SIN3A: variants seen among roughly 807,000 people sequenced by gnomAD.
SIN3A encodes paired amphipathic helix protein Sin3a.
Under a neutral mutation model 146.1 loss-of-function variants are expected in SIN3A, and 14 were observed. That is an observed-to-expected ratio of 0.10 (90% CI 0.06 to 0.15). SIN3A has a LOEUF of 0.15. SIN3A is among the 10% of genes least tolerant of loss of function. SIN3A has a pLI of 1.00. For missense variants in SIN3A, 1,028 were observed against 1,576.0 expected (o/e 0.65, Z 5.89); for synonymous variants, 572 against 572.0 (o/e 1.00, Z 0.00).
intron 9 of SIN3A, among the ~76,000 whole-genome samples, chr15:75,405,365 TA>T (rs57252194): frequency 5.2e-3 from 642 of 122,952 alleles, no homozygotes; most frequent in East Asian, 0.015. Context: ...AGACTCTGTC[TA>T]AAAAAAAAAA....
intron 4 of SIN3A, 143 bp downstream of exon 4, chr15:75,414,062 G>A: frequency 2.5e-6 from 1 of 402,218 alleles, no homozygotes; most frequent in East Asian, 3.6e-5. Context: ...ATCAATAAAG[G>A]TATGCATAAA....
chr15:75,411,238 G>A (rs1300415463), intron 6 of SIN3A, among the ~76,000 whole-genome samples: 2 of 152,012 alleles, frequency 1.3e-5, no homozygotes, highest in African/African-American at 2.4e-5. Context: ...TAAGGCAGGA[G>A]TATCACTTGA....
In SIN3A at chr15:75,384,492, T is replaced by C. The variant is rs1025496080; in HGVS notation, c.3022-55A>G. 13 of 1,220,414 alleles carry C rather than the reference T, an allele frequency of 1.1e-5. No individual in the cohort carries two copies. The African/African-American group carries it at 1.6e-4, about 15-fold the overall frequency. 75.6% of individuals were successfully genotyped at this position (1,220,414 alleles called of 1,614,324 possible). On this transcript the variant is annotated intron_variant, in intron 16 of 20. Coordinates refer to ENST00000394947, the MANE Select transcript of SIN3A (RefSeq NM_001145358.2). ...GAACACAGAAAACATTTCTCCATTA[T>C]ACAGTCAACGTTCCTTTGATGTAGT...
rs144185274 is a variant in SIN3A at position 75,392,489 on chromosome 15, A to C, written c.2604T>G (p.Phe868Leu). 2 of 1,614,172 alleles carry C rather than the reference A, an allele frequency of 1.2e-6. No homozygotes were observed. The highest frequency in any genetic ancestry group is 1.1e-5 in the South Asian group (1 of 91,088). The change falls in exon 15 of 21, where the codon TTT (phenylalanine) becomes TTG (leucine). Residue 868 changes from phenylalanine to leucine, a missense_variant. This residue lies in a region of SIN3A where 488 missense variants were observed against 690.2 expected (regional missense o/e 0.71). Transcript: ENST00000394947. The stretch of plus-strand genomic sequence containing the variant: ...TTAATTTTTGAGCTGCTGTGTTACT[A>C]AACAGTAACTTGGACTTAGGGGGAC... ...GGSPPKSKLL[F>L]SNTAAQKLRG...
chr15:75,413,751 T>C (rs561916480), intron 4 of SIN3A, among the ~76,000 whole-genome samples: 2 of 152,260 alleles, frequency 1.3e-5, no homozygotes, highest in Non-Finnish European at 2.9e-5. Flanking sequence ...TATATGTTCA[T>C]TGTAATAATT....
chr15:75,381,553 G>T, intron 18 of SIN3A, 60 bp downstream of exon 18: 1 of 1,322,744 alleles, frequency 7.6e-7, no homozygotes, highest in South Asian at 1.2e-5. Flanking sequence ...TCACTGGACA[G>T]ACTCTCAAGG....
At chr15:75,446,684 G>T (rs185604685) in intron 1 of SIN3A, among the ~76,000 whole-genome samples, 1 of 151,888 alleles carries the variant, frequency 6.6e-6, no homozygotes, top group Admixed American at 6.6e-5. Flanking sequence ...TAGAGACAGG[G>T]TCTTGTTATG....
chr15:75,381,300 T>C (rs2072962509), intron 18 of SIN3A, among the ~76,000 whole-genome samples: 2 of 152,038 alleles, frequency 1.3e-5, no homozygotes. Flanking sequence ...ACACAAAGAA[T>C]CAAGATGACA....
At chr15:75,442,256 T>C (rs1364567512) in intron 1 of SIN3A, among the ~76,000 whole-genome samples, 1 of 151,564 alleles carries the variant, frequency 6.6e-6, no homozygotes, top group African/African-American at 2.4e-5. Context: ...CAACTAAGTT[T>C]TGGTGTACAA....
chr15:75,415,854 GAAAA>G (rs397946961), intron 3 of SIN3A: 45 of 96,222 alleles, frequency 4.7e-4, no homozygotes, highest in South Asian at 2.0e-3. Flanking sequence ...TCGGTCTCAG[GAAAA>G]AAAAAAAAAA....
At chr15:75,386,576 G>A (rs995677269) in intron 16 of SIN3A, among the ~76,000 whole-genome samples, 6 of 152,190 alleles carry the variant, frequency 3.9e-5, no homozygotes, top group African/African-American at 1.4e-4. Context: ...ACTGGGACCA[G>A]GGGTACTGGG....
Position 75,432,306 on chromosome 15 carries a change from A to C in SIN3A, c.-33-1898T>G, listed in dbSNP as rs184349996. ...TAGCTATTTCTTATATACGTTCATG[A>C]CTTTCAGTGGTTTGGTCTTGGGTTC... On this transcript the variant is annotated intron_variant, in intron 1 of 20. Transcript: ENST00000394947. 1.5e-3 allele frequency among the ~76,000 whole-genome samples: 223 copies of C among 152,262 alleles called. 1 individual carries two copies. Among genetic ancestry groups the C allele is most frequent in the African/African-American group, 5.1e-3 (214 of 41,556 alleles).
Position 75,430,366 on chromosome 15 carries a change from G to A in SIN3A, c.10C>T (p.Arg4Cys), listed in dbSNP as rs373473132. 38 of 1,610,304 alleles carry A rather than the reference G, an allele frequency of 2.4e-5. No individual in the cohort carries two copies. The highest frequency in any genetic ancestry group is 3.1e-5 in the Non-Finnish European group (37 of 1,178,432). ...ACCGGTGACTCCTGGTCATCCAAACGCCGCTTCATTCTGTGCTCATGCTCA... is the reference window on the plus strand; with the variant it reads ...ACCGGTGACTCCTGGTCATCCAAACACCGCTTCATTCTGTGCTCATGCTCA... The part of the protein sequence containing the change: MKR[R>C]LDDQESPVYA... The change falls in exon 2 of 21, where the codon CGT becomes TGT. Residue 4 changes from arginine (R) to cysteine (C), a missense_variant. Physicochemically the swap from Arg to Cys is radical, Grantham distance 180. Around this residue, in one of 9 missense-constraint regions of SIN3A, gnomAD observed 152 missense variants for 231.5 expected, o/e 0.66. Transcript: ENST00000394947.
chr15:75,372,067 C>T lies in SIN3A; in HGVS notation c.3734G>A (p.Cys1245Tyr). The change falls in exon 21 of 21, where the codon TGT becomes TAT. Residue 1245 changes from cysteine to tyrosine, a missense_variant. By Grantham distance (194) the Cys-to-Tyr change is radical. Around this residue, in one of 9 missense-constraint regions of SIN3A, gnomAD observed 488 missense variants for 690.2 expected, o/e 0.71. Transcript: ENST00000394947. ...GGTCTCTGTATCACAGGTGGTGGTA[C>T]AGGGCACCAGGCCCTCCAGCCCCTC... ...MGEGLEGLVP[C>Y]TTTCDTETLH... 1 of 1,614,162 alleles carries T rather than the reference C, an allele frequency of 6.2e-7. No individual in the cohort carries two copies. Among genetic ancestry groups the T allele is most frequent in the Non-Finnish European group, 8.5e-7 (1 of 1,180,038 alleles).
upstream of SIN3A, among the ~76,000 whole-genome samples, chr15:75,452,785 G>GGCCA (rs1306318173): frequency 6.6e-6 from 1 of 152,206 alleles, no homozygotes; most frequent in Admixed American, 6.5e-5. Flanking sequence ...CACCAAAACA[G>GGCCA]GCCACGGCAT....
intron 16 of SIN3A, chr15:75,388,904 A>G (rs540455189): frequency 3.3e-5 from 5 of 152,250 alleles, no homozygotes; most frequent in Non-Finnish European, 7.3e-5. Flanking sequence ...TTAACCAACA[A>G]TCTCTCTGGG....
At chr15:75,396,212 G>A (rs748592788) in intron 13 of SIN3A, 46 bp downstream of exon 13, 7 of 1,301,688 alleles carry the variant, frequency 5.4e-6, no homozygotes, top group Middle Eastern at 1.9e-4. Flanking sequence ...ACACTGAACC[G>A]GTAGTGAAGT....
rs149699368 is a variant in SIN3A at position 75,399,202 on chromosome 15, A to G, written c.1854+838T>C. Among the ~76,000 whole-genome samples, 260 of 152,140 alleles carry G rather than the reference A, an allele frequency of 1.7e-3. 1 individual carries two copies. In the East Asian group the frequency reaches 0.025, roughly 14 times the overall value. On this transcript the variant is annotated intron_variant, in intron 12 of 20. Coordinates refer to ENST00000394947, the MANE Select transcript of SIN3A (RefSeq NM_001145358.2). ...GCCACTGCACTGCAGCCTGGGCAAT[A>G]GAATGAGACCCTGTCTCAAAAAAAC...
At chr15:75,427,825 G>C (rs2073951322) in intron 2 of SIN3A, among the ~76,000 whole-genome samples, 1 of 151,738 alleles carries the variant, frequency 6.6e-6, no homozygotes, top group Middle Eastern at 3.2e-3. Context: ...CAAAAAATTA[G>C]CCAGGCATGG....
Sources: allele counts gnomAD v4.1 joint callset (sites outside exome capture counted in the v4.1 genomes callset), GRCh38; gene constraint gnomAD v4.1.1; regional missense constraint gnomAD v4.1.1; transcripts MANE v1.5; gene names NCBI Gene and HGNC (gene_info 2026-07-23, HGNC 2026-07-21).